The following MMEL1 variants were observed in gnomAD, a reference collection of about 807,000 sequenced individuals.
The protein encoded by MMEL1 is membrane metallo-endopeptidase-like 1.
MMEL1 carries 98 observed loss-of-function variants against 117.1 expected under a neutral mutation model. The observed-to-expected ratio is 0.84, with a 90% confidence interval of 0.71 to 0.99. MMEL1 has a LOEUF of 0.99. MMEL1 is among the 50% of genes least tolerant of loss of function. The pLI, the probability that MMEL1 is intolerant of heterozygous loss-of-function variation, is 0.00. For synonymous variants in MMEL1, 390 were observed against 415.1 expected (o/e 0.94, Z 0.74); for missense variants, 1,014 against 1,049.1 (o/e 0.97, Z 0.46).
chr1:2,617,387 A>G (rs1645219048), intron 2 of MMEL1, among the ~76,000 whole-genome samples: 1 of 141,820 alleles, frequency 7.1e-6, no homozygotes, highest in African/African-American at 2.7e-5. Flanking sequence ...AGATCGCGCC[A>G]CTGCACTCCA....
At chr1:2,606,840 G>T in intron 7 of MMEL1, 134 bp downstream of exon 7, 3 of 795,516 alleles carry the variant, frequency 3.8e-6, no homozygotes, top group Admixed American at 4.4e-5. Context: ...GCTGGGTTGG[G>T]CCTCTTGGGG....
chr1:2,590,716 A>G lies in MMEL1; in HGVS notation c.*274T>C. The G allele has an allele frequency of 5.2e-6, 2 of 384,146 alleles. No homozygotes were observed. Among genetic ancestry groups the G allele is most frequent in the Middle Eastern group, 6.5e-4 (1 of 1,530 alleles). The allele number at this position is 384,146 out of a possible 1,614,324, so 23.8% of individuals were successfully genotyped here. Reference sequence around the variant, plus strand: ...CAATGCACCTTGGAGGGTGGGCAGGACACAGTTGATTGTCTCTACAGAGCT... The same window carrying G: ...CAATGCACCTTGGAGGGTGGGCAGGGCACAGTTGATTGTCTCTACAGAGCT... On this transcript the variant is annotated 3_prime_UTR_variant, in exon 24 of 24. Transcript: ENST00000378412.
At chr1:2,611,583 G>T (rs1194537242) in intron 3 of MMEL1, among the ~76,000 whole-genome samples, 4 of 152,170 alleles carry the variant, frequency 2.6e-5, no homozygotes, top group Non-Finnish European at 1.5e-5. Context: ...ATCCCCATGG[G>T]TGGTCCAGCC....
chr1:2,605,772 G>T, intron 8 of MMEL1, 149 bp from the exon 9 acceptor site: 1 of 619,890 alleles, frequency 1.6e-6, no homozygotes. Context: ...GCCGGACCCG[G>T]GAGGCCAGAC....
chr1:2,627,776 A>G (rs1224007814), intron 2 of MMEL1, among the ~76,000 whole-genome samples: 1 of 152,202 alleles, frequency 6.6e-6, no homozygotes, highest in Non-Finnish European at 1.5e-5. Flanking sequence ...CCTTCCACAA[A>G]CAATCCTGGA....
At chr1:2,605,303 T>C (rs193029750) in intron 9 of MMEL1, among the ~76,000 whole-genome samples, 1 of 152,208 alleles carries the variant, frequency 6.6e-6, no homozygotes, top group Non-Finnish European at 1.5e-5. Context: ...GGGATGACAG[T>C]TCTGCCCCAT....
At chr1:2,610,311 A>T (rs749026100) in intron 4 of MMEL1, among the ~76,000 whole-genome samples, 5 of 152,110 alleles carry the variant, frequency 3.3e-5, no homozygotes, top group Non-Finnish European at 7.4e-5. Context: ...AGTTGCTGGG[A>T]ATTCAGGCAT....
chr1:2,596,205 G>C, intron 14 of MMEL1, 98 bp from the exon 15 acceptor site: 4 of 1,176,170 alleles, frequency 3.4e-6, no homozygotes, highest in Non-Finnish European at 5.0e-6. Flanking sequence ...CCCCGCCGGG[G>C]CAAGGCCCAG....
chr1:2,622,713 C>A (rs1174908914), intron 2 of MMEL1, among the ~76,000 whole-genome samples: 2 of 151,918 alleles, frequency 1.3e-5, no homozygotes, highest in Non-Finnish European at 2.9e-5. Flanking sequence ...GTCAAAATCC[C>A]ATCTCTACTA....
At chr1:2,607,971 G>A (rs1421341556) in intron 6 of MMEL1, among the ~76,000 whole-genome samples, 1 of 152,160 alleles carries the variant, frequency 6.6e-6, no homozygotes, top group Non-Finnish European at 1.5e-5. Context: ...TCCCGGCTGG[G>A]CTGCCGGTCC....
At chr1:2,609,906 C>T (rs886863439) in intron 4 of MMEL1, 75 bp from the exon 5 acceptor site, 66 of 1,485,000 alleles carry the variant, frequency 4.4e-5, no homozygotes, top group South Asian at 3.5e-4. Flanking sequence ...GCCTGTCTCC[C>T]GGTCCAAGAC....
intron 5 of MMEL1, 33 bp downstream of exon 5, chr1:2,609,637 C>T: frequency 6.3e-7 from 1 of 1,588,488 alleles, no homozygotes; most frequent in Non-Finnish European, 8.6e-7. Context: ...TGTTCGGCGT[C>T]ACCCCACTGC....
chr1:2,600,300 C>T (rs1033618939), intron 11 of MMEL1, among the ~76,000 whole-genome samples: 1 of 151,960 alleles, frequency 6.6e-6, no homozygotes, highest in Non-Finnish European at 1.5e-5. Context: ...AATATACGTG[C>T]TTTTCTTTTA....
At chr1:2,614,169 A>G (rs1374452461) in intron 2 of MMEL1, among the ~76,000 whole-genome samples, 1 of 152,272 alleles carries the variant, frequency 6.6e-6, no homozygotes, top group African/African-American at 2.4e-5. Context: ...TATTGTATGC[A>G]AAGTTAAAAA....
chr1:2,595,138 C>A lies in MMEL1; in HGVS notation c.1584+138G>T. ...TACACTGAGGGTAGTGCTGGAGCCA[C>A]CACCCTAGGGCACGGTGAGGACAGC... On this transcript the variant is annotated intron_variant, in intron 16 of 23. Coordinates refer to ENST00000378412, the MANE Select transcript of MMEL1 (RefSeq NM_033467.4). This position sits in a 1 kb window ranked among gnomAD's most constrained non-coding sequence, Gnocchi z 4.8. 1 of 792,950 alleles carries A rather than the reference C, an allele frequency of 1.3e-6. No homozygotes were observed. Among genetic ancestry groups the A allele is most frequent in the East Asian group, 2.6e-5 (1 of 38,056 alleles). The allele number at this position is 792,950 out of a possible 1,614,324, so 49.1% of individuals were successfully genotyped here.
At chr1:2,606,127 C>T (rs1645022286) in intron 8 of MMEL1, 121 bp downstream of exon 8, 1 of 758,964 alleles carries the variant, frequency 1.3e-6, no homozygotes, top group Non-Finnish European at 2.2e-6. Flanking sequence ...GAGCCAGGAG[C>T]CCAGGTCCCA....
At chr1:2,603,458 G>A (rs1644967408) in intron 11 of MMEL1, among the ~76,000 whole-genome samples, 1 of 152,194 alleles carries the variant, frequency 6.6e-6, no homozygotes, top group Admixed American at 6.5e-5. Flanking sequence ...GAGCGCCTGA[G>A]GGTGTGGCCA....
At chr1:2,604,378 A>G (rs1644987914) in intron 9 of MMEL1, 97 bp from the exon 10 acceptor site, 3 of 1,522,664 alleles carry the variant, frequency 2.0e-6, no homozygotes, top group African/African-American at 2.8e-5. Flanking sequence ...GACATGGGGA[A>G]GCCCCTAATG....
At position 2,605,549 on chromosome 1, in the gene MMEL1, C is replaced by T; in HGVS notation, c.816+9G>A. ...GGGTCATCTGGCATTGCGGTGAGGA[C>T]CCACCCACCTTCCGGTTGCTGCCGC... On this transcript the variant is annotated intron_variant, in intron 9 of 23. Transcript: ENST00000378412. 6.2e-7 allele frequency: 1 copy of T among 1,611,000 alleles called. No homozygotes were observed. Among genetic ancestry groups the T allele is most frequent in the Non-Finnish European group, 8.5e-7 (1 of 1,178,222 alleles).
Sources: allele counts gnomAD v4.1 joint callset (sites outside exome capture counted in the v4.1 genomes callset), GRCh38; gene constraint gnomAD v4.1.1; non-coding constraint Gnocchi (gnomAD v3.1); transcripts MANE v1.5; gene names NCBI Gene and HGNC (gene_info 2026-07-23, HGNC 2026-07-21).